PRRC2C: variants seen among roughly 807,000 people sequenced by gnomAD.
PRRC2C encodes protein PRRC2C.
Under a neutral mutation model 317.2 loss-of-function variants are expected in PRRC2C, and 72 were observed. That is an observed-to-expected ratio of 0.23 (90% CI 0.19 to 0.28). The LOEUF is 0.28. Among genes scored for constraint, PRRC2C ranks in the 10% least tolerant of loss-of-function variants. The pLI is 1.00. For synonymous variants in PRRC2C, 1,296 were observed against 1,205.9 expected (o/e 1.07, Z -1.55); for missense variants, 3,074 against 3,459.7 (o/e 0.89, Z 2.80).
At position 171,591,675 on chromosome 1, in the gene PRRC2C, A is replaced by G; in HGVS notation, c.8525A>G (p.Gln2842Arg). Residue 2842 changes from glutamine to arginine, a missense_variant, in exon 35 of 35, where the codon CAG becomes CGG. Physicochemically the swap from Gln to Arg is conservative, Grantham distance 43. Transcript: ENST00000647382. ...AAACAGATAGGAGGAGGCAAAGCCC[A>G]GAAAGTGGACAGTGATTCAAGTAAA... ...QSKQIGGGKA[Q>R]KVDSDSSKPP... The G allele has an allele frequency of 6.2e-7, 1 of 1,613,968 alleles. No homozygotes were observed.
chr1:171,568,262 T>C lies in PRRC2C; in HGVS notation c.6574T>C (p.Tyr2192His). Residue 2192 changes from tyrosine to histidine, a missense_variant, in exon 23 of 35, where the codon TAT becomes CAT. Tyr to His is a moderately conservative substitution (Grantham distance 83). Around this residue, in one of 11 missense-constraint regions of PRRC2C, gnomAD observed 640 missense variants for 676.1 expected, o/e 0.95. Coordinates refer to ENST00000647382, the MANE Select transcript of PRRC2C (RefSeq NM_001387844.1). ...GTNAKESVTDYTTPSSSLPNT... is the reference protein window; with the variant it reads ...GTNAKESVTDHTTPSSSLPNT... ...TACTTCACAGGAGTCTGTAACAGAC[T>C]ATACTACACCCTCTTCTTCTTTGCC... 2 of 1,609,016 alleles carry C rather than the reference T, an allele frequency of 1.2e-6. No homozygotes were observed. Among genetic ancestry groups the C allele is most frequent in the Non-Finnish European group, 1.7e-6 (2 of 1,177,334 alleles).
rs772025132 is a variant in PRRC2C, at chr1:171,517,766, A to T, written c.702A>T (p.Gly234=). The change falls in exon 6 of 35, where the codon GGA becomes GGT. Residue 234 remains glycine, a synonymous_variant. Transcript: ENST00000647382. ...ACGPPQAKLN[G]QQAALASQYR... ...GTCCTCCACAGGCTAAACTGAATGG[A>T]CAGCAGGCTGCTCTCGCTTCCCAGT... is the stretch of plus-strand genomic sequence containing the variant. 6.2e-7 allele frequency: 1 copy of T among 1,613,618 alleles called. No individual in the cohort carries two copies. The highest frequency in any genetic ancestry group is 1.3e-5 in the African/African-American group (1 of 74,876).
At chr1:171,587,517 T>C (rs1650315897) in intron 31 of PRRC2C, 131 bp from the exon 32 acceptor site, 1 of 658,888 alleles carries the variant, frequency 1.5e-6, no homozygotes, top group African/African-American at 1.8e-5. Context: ...ACTTGAAGCC[T>C]AACTATAGGA....
In PRRC2C at chr1:171,541,825, G is replaced by C; in HGVS notation, c.4359G>C (p.Glu1453Asp). ...GGGAGGCTGCTTCAAAATCAAATGAGGTGGTAGCAGTGCCCACAAATGGCA... is the reference window on the plus strand; with the variant it reads ...GGGAGGCTGCTTCAAAATCAAATGACGTGGTAGCAGTGCCCACAAATGGCA... ...REREAASKSN[E>D]VVAVPTNGTV... Residue 1453 changes from glutamate (E) to aspartate (D), a missense_variant, in exon 16 of 35, where the codon GAG (glutamate) becomes GAC (aspartate). Physicochemically the swap from Glu to Asp is conservative, Grantham distance 45 (BLOSUM62 2). Transcript: ENST00000647382. The surrounding 1 kb of genome is among the most constrained non-coding windows in gnomAD (Gnocchi z 4.1). The C allele has an allele frequency of 1.9e-6, 3 of 1,613,908 alleles. No individual in the cohort carries two copies. The highest frequency in any genetic ancestry group is 2.5e-6 in the Non-Finnish European group (3 of 1,179,876).
intron 18 of PRRC2C, among the ~76,000 whole-genome samples, chr1:171,555,796 C>T (rs1435440098): frequency 6.6e-6 from 1 of 152,188 alleles, no homozygotes; most frequent in East Asian, 1.9e-4. Context: ...TGCAGAACAG[C>T]AAATATTGCA....
rs150795130 is a variant in PRRC2C, at chr1:171,577,528, G to A, written c.7050G>A (p.Gln2350=). 4.1e-4 allele frequency: 669 copies of A among 1,613,280 alleles called. 1 individual carries two copies. In the African/African-American group the frequency reaches 8.0e-3, roughly 19 times the overall value. Reference sequence around the variant, plus strand: ...GTAAAGTGAAACCTCAGCAGTTACAGACAAGCAGCCTGCCTTCTGCAAGTC... The same window carrying A: ...GTAAAGTGAAACCTCAGCAGTTACAAACAAGCAGCCTGCCTTCTGCAAGTC... The part of the protein sequence containing the change: ...NICKVKPQQL[Q]TSSLPSASHF... The change falls in exon 26 of 35, where the codon CAG becomes CAA. Residue 2350 remains glutamine (Q), a synonymous_variant. Coordinates refer to ENST00000647382, the MANE Select transcript of PRRC2C (RefSeq NM_001387844.1).
intron 1 of PRRC2C, among the ~76,000 whole-genome samples, chr1:171,492,735 T>A (rs975360306): frequency 2.3e-4 from 32 of 140,530 alleles, no homozygotes; most frequent in East Asian, 1.0e-3. Flanking sequence ...GGAATTTTTT[T>A]AATTTTATTT....
intron 12 of PRRC2C, 28 bp downstream of exon 12, chr1:171,532,989 A>G: frequency 1.3e-6 from 2 of 1,505,068 alleles, no homozygotes; most frequent in Non-Finnish European, 1.8e-6. Flanking sequence ...ATTCTCTTTT[A>G]AAAACTTTAC....
In PRRC2C at chr1:171,493,397, G is replaced by GGGTGA. The variant is rs533031306; in HGVS notation, c.-58+7666_-58+7670dup. Among the ~76,000 whole-genome samples, 299 of 152,312 alleles carry GGGTGA rather than the reference G, an allele frequency of 2.0e-3. 1 individual carries two copies. The highest frequency in any genetic ancestry group is 3.5e-3 in the Non-Finnish European group (237 of 68,014). On this transcript the variant is annotated intron_variant, in intron 1 of 34. Coordinates refer to ENST00000647382, the MANE Select transcript of PRRC2C (RefSeq NM_001387844.1). Reference sequence around the variant, plus strand: ...TACTTGTAGTCCTAGCTCCTCAGAAGGGTGAGGTAGGAGGATCACTTGAGC... The same window carrying GGGTGA: ...TACTTGTAGTCCTAGCTCCTCAGAAGGGTGAGGTGAGGTAGGAGGATCACTTGAGC...
Position 171,539,861 on chromosome 1 carries a change from A to G in PRRC2C, c.2505-110A>G, listed in dbSNP as rs1677639598. 4.2e-6 allele frequency: 4 copies of G among 947,980 alleles called. No homozygotes were observed. In the African/African-American group the frequency reaches 6.6e-5, roughly 16 times the overall value. The allele number at this position is 947,980 out of a possible 1,614,324, so 58.7% of individuals were successfully genotyped here. A position where few individuals can be genotyped will look rare whatever the true frequency, so the allele number is the denominator to read the frequency against. ...TTTATATAGCGAGAGAAAGATTCTCATTATGGTTAAGAGTCATTGCTTTCT... is the reference window on the plus strand; with the variant it reads ...TTTATATAGCGAGAGAAAGATTCTCGTTATGGTTAAGAGTCATTGCTTTCT... On this transcript the variant is annotated intron_variant, in intron 15 of 34. Coordinates refer to ENST00000647382, the MANE Select transcript of PRRC2C (RefSeq NM_001387844.1).
chr1:171,503,669 G>A (rs1669607870), intron 1 of PRRC2C, among the ~76,000 whole-genome samples: 1 of 151,806 alleles, frequency 6.6e-6, no homozygotes, highest in African/African-American at 2.4e-5. Flanking sequence ...ATTTTATTTC[G>A]GTTTAAATTT....
chr1:171,535,597 G>A lies in PRRC2C; in HGVS notation c.2043G>A (p.Gln681=). 6.2e-7 allele frequency: 1 copy of A among 1,613,120 alleles called. No individual in the cohort carries two copies. The highest frequency in any genetic ancestry group is 8.5e-7 in the Non-Finnish European group (1 of 1,179,584). The change falls in exon 13 of 35, where the codon CAG becomes CAA. Residue 681 remains glutamine, a splice_region_variant and synonymous_variant. Coordinates refer to ENST00000647382, the MANE Select transcript of PRRC2C (RefSeq NM_001387844.1). ...KSLPPRFQRQ[Q]EQMKQQQWQQ... is the part of the protein sequence containing the mutation. The stretch of plus-strand genomic sequence containing the variant: ...TACCTCCACGATTCCAGCGGCAGCA[G>A]GTAATGATAAAAATATTTTATCATG...
At chr1:171,559,482 C>A (rs1386080072) in intron 19 of PRRC2C, among the ~76,000 whole-genome samples, 3 of 138,492 alleles carry the variant, frequency 2.2e-5, no homozygotes, top group Non-Finnish European at 4.6e-5. Flanking sequence ...GACATCACAT[C>A]TGTTTACAAA....
In PRRC2C at chr1:171,536,101, C is replaced by T; in HGVS notation, c.2116C>T (p.Pro706Ser). Residue 706 changes from proline to serine, a missense_variant, in exon 14 of 35, where the codon CCG becomes TCG. Around this residue, in one of 11 missense-constraint regions of PRRC2C, gnomAD observed 1,320 missense variants for 1,395.7 expected, o/e 0.95. Coordinates refer to ENST00000647382, the MANE Select transcript of PRRC2C (RefSeq NM_001387844.1). Reference protein sequence around the residue: ...GVLPQTVPSQPSSSTVPPPPH... With the variant: ...GVLPQTVPSQSSSSTVPPPPH... ...ACTTCCACAGACTGTTCCTTCACAA[C>T]CGTCCAGTAGTACTGTCCCTCCTCC... 6.4e-7 allele frequency: 1 copy of T among 1,561,234 alleles called. No individual in the cohort carries two copies. The highest frequency in any genetic ancestry group is 2.4e-5 in the East Asian group (1 of 42,068).
rs1328463743 is a variant in PRRC2C at position 171,563,909 on chromosome 1, C to T, written c.6118-2324C>T. On this transcript the variant is annotated intron_variant, in intron 20 of 34. Transcript: ENST00000647382. Reference sequence around the variant, plus strand: ...TTTCCCAACCACAAGATTTTTCTTGCAGGCATTCTACAAGTTTACAGTGAT... The same window carrying T: ...TTTCCCAACCACAAGATTTTTCTTGTAGGCATTCTACAAGTTTACAGTGAT... Among the ~76,000 whole-genome samples the T allele has an allele frequency of 2.0e-5, 3 of 152,088 alleles. No individual in the cohort carries two copies. In the South Asian group the frequency reaches 6.2e-4, roughly 31 times the overall value.
At position 171,550,066 on chromosome 1, in the gene PRRC2C, A is replaced by G; in HGVS notation, c.4973-20A>G. 6.4e-7 allele frequency: 1 copy of G among 1,555,828 alleles called. No individual in the cohort carries two copies. Among genetic ancestry groups the G allele is most frequent in the Non-Finnish European group, 8.7e-7 (1 of 1,153,956 alleles). On this transcript the variant is annotated intron_variant, in intron 17 of 34. Transcript: ENST00000647382. ...ATTTGAAAAACAGAAAATATCTTAA[A>G]TCCTTTCCCACACCCACAGGTGTTG...
intron 23 of PRRC2C, among the ~76,000 whole-genome samples, chr1:171,569,575 A>AATATATATATATATAGATATATATAT (rs1684336922): frequency 1.7e-5 from 1 of 60,130 alleles, no homozygotes; most frequent in African/African-American, 5.6e-5. Flanking sequence ...AAGTGGTTTA[A>AATATATATATATATAGATATATATAT]ATATATATAT....
intron 11 of PRRC2C, among the ~76,000 whole-genome samples, chr1:171,529,183 C>T (rs181428230): frequency 2.0e-4 from 31 of 152,266 alleles, no homozygotes; most frequent in Admixed American, 1.4e-3. Context: ...TCCTACACTT[C>T]GAGTGTTGGA....
chr1:171,591,373 G>T lies in PRRC2C; in HGVS notation c.8437-214G>T, dbSNP rs1048689040. ...AAAGGTGGTGGGAGGTGGTCCTGTG[G>T]TTTTTTTTTTTTTTTTAAATCACAT... On this transcript the variant is annotated intron_variant, in intron 34 of 34. Transcript: ENST00000647382. The T allele has an allele frequency of 9.4e-3, 2,517 of 268,204 alleles. 32 individuals are homozygous for T. The highest frequency in any genetic ancestry group is 0.012 in the Non-Finnish European group (1,953 of 158,320). The allele number at this position is 268,204 out of a possible 1,614,324, so 16.6% of individuals were successfully genotyped here.
Sources: gnomAD v4.1 joint callset for allele counts (sites outside exome capture counted in the v4.1 genomes callset) on GRCh38, gnomAD v4.1.1 for gene constraint, gnomAD v4.1.1 regional missense constraint, Gnocchi (gnomAD v3.1) non-coding constraint, MANE v1.5 for transcripts, NCBI Gene and HGNC (gene_info 2026-07-23, HGNC 2026-07-21) for gene names.